Variants in INPP4B observed in about 807,000 individuals in gnomAD.
The protein encoded by INPP4B is inositol polyphosphate 4-phosphatase type II.
A neutral mutation model predicts 122.5 loss-of-function variants in INPP4B; 55 were observed. The observed-to-expected ratio is 0.45, with a 90% CI of 0.36 to 0.56. The LOEUF is 0.56. INPP4B is among the 20% of genes least tolerant of loss of function. The pLI is 0.00. For missense variants in INPP4B, 1,000 were observed against 1,097.7 expected (o/e 0.91, Z 1.26); for synonymous variants, 403 against 388.7 (o/e 1.04, Z -0.43).
At chr4:142,790,830 A>AT (rs549551508) in intron 1 of INPP4B, among the ~76,000 whole-genome samples, 98 of 151,812 alleles carry the variant, frequency 6.5e-4, no homozygotes, top group Non-Finnish European at 1.1e-3. Flanking sequence ...GCAATGTCCT[A>AT]TTTTTTTCTT....
chr4:142,047,019 C>G (rs1751883172), intron 25 of INPP4B, among the ~76,000 whole-genome samples: 1 of 152,040 alleles, frequency 6.6e-6, no homozygotes, highest in African/African-American at 2.4e-5. Flanking sequence ...TCTCCTCTCT[C>G]TCTCTCTTTT....
intron 25 of INPP4B, among the ~76,000 whole-genome samples, chr4:142,046,126 C>T (rs1319925842): frequency 6.6e-6 from 1 of 152,016 alleles, no homozygotes; most frequent in Non-Finnish European, 1.5e-5. Context: ...GGCCAAACTA[C>T]TCTGCTCCCC....
At chr4:142,235,596 T>G (rs1402117664) in intron 12 of INPP4B, among the ~76,000 whole-genome samples, 1 of 152,018 alleles carries the variant, frequency 6.6e-6, no homozygotes, top group African/African-American at 2.4e-5. Context: ...TAATTTTGTT[T>G]TTGTATTTTT....
At chr4:142,669,717 T>C (rs1435052741) in intron 2 of INPP4B, among the ~76,000 whole-genome samples, 1 of 152,060 alleles carries the variant, frequency 6.6e-6, no homozygotes, top group African/African-American at 2.4e-5. Flanking sequence ...TTGAAGAAAA[T>C]ATAGGGGAAA....
chr4:142,618,810 T>A (rs759053761), intron 2 of INPP4B, among the ~76,000 whole-genome samples: 1 of 151,674 alleles, frequency 6.6e-6, no homozygotes, highest in Admixed American at 6.6e-5. Flanking sequence ...ATGGAGAAAA[T>A]TTTTTGCAAA....
At chr4:142,684,855 T>C (rs949001527) in intron 2 of INPP4B, among the ~76,000 whole-genome samples, 5 of 151,912 alleles carry the variant, frequency 3.3e-5, no homozygotes, top group African/African-American at 1.2e-4. Context: ...AAAATTATAA[T>C]TGGACAAAAT....
intron 1 of INPP4B, among the ~76,000 whole-genome samples, chr4:142,826,500 AC>A (rs1561113785): frequency 1.4e-5 from 2 of 145,408 alleles, no homozygotes; most frequent in African/African-American, 5.0e-5. Flanking sequence ...ATAAAATCAC[AC>A]ACACACACAC....
At chr4:142,395,051 T>C (rs567448380) in intron 7 of INPP4B, among the ~76,000 whole-genome samples, 68 of 152,348 alleles carry the variant, frequency 4.5e-4, no homozygotes, top group African/African-American at 1.6e-3. Context: ...AAAGTGTCAA[T>C]GCTTATCCTT....
intron 3 of INPP4B, among the ~76,000 whole-genome samples, chr4:142,461,375 T>C (rs1816698786): frequency 6.6e-6 from 1 of 152,162 alleles, no homozygotes. Context: ...AAACAGCAAT[T>C]TGTGTAGTTT....
chr4:142,028,800 A>C lies in INPP4B; in HGVS notation c.2757T>G (p.Tyr919Ter). ...GGTAAACTTAGGTGTCAGCTTTTCC[A>C]TAAGTCCCCTCTGGAGGTCTGTAGT... ...PKYYRPPEGT[Y>*]GKADT The change falls in exon 26 of 26, where the codon TAT becomes TAG. Residue 919 changes from tyrosine to a stop codon, truncating the protein, a stop_gained. Coordinates refer to ENST00000262992, the MANE Select transcript of INPP4B (RefSeq NM_001101669.3). LOFTEE classifies it high-confidence loss of function. The C allele has an allele frequency of 6.2e-7, 1 of 1,611,050 alleles. No individual in the cohort carries two copies. The highest frequency in any genetic ancestry group is 8.5e-7 in the Non-Finnish European group (1 of 1,179,006).
intron 7 of INPP4B, among the ~76,000 whole-genome samples, chr4:142,378,429 GC>G (rs780094262): frequency 1.6e-4 from 24 of 152,128 alleles, no homozygotes; most frequent in Non-Finnish European, 2.6e-4. Context: ...TATTGTAATA[GC>G]TCATATCCAG....
intron 2 of INPP4B, among the ~76,000 whole-genome samples, chr4:142,522,177 G>C (rs756263170): frequency 1.3e-5 from 2 of 151,590 alleles, no homozygotes; most frequent in African/African-American, 4.8e-5. Context: ...ATTTTTAAAG[G>C]TTTTTATGTT....
At chr4:142,713,805 C>T (rs1388713244) in intron 2 of INPP4B, among the ~76,000 whole-genome samples, 1 of 152,158 alleles carries the variant, frequency 6.6e-6, no homozygotes, top group Non-Finnish European at 1.5e-5. Context: ...TAAGATCCTG[C>T]TCATTTAGGA....
chr4:142,181,902 CAT>C (rs1178786254), intron 15 of INPP4B, among the ~76,000 whole-genome samples: 19 of 152,152 alleles, frequency 1.2e-4, no homozygotes, highest in African/African-American at 3.9e-4. Flanking sequence ...CATCAATTCA[CAT>C]GTTTTTTAAT....
chr4:142,827,286 G>A (rs113657710), intron 1 of INPP4B, among the ~76,000 whole-genome samples: 4 of 152,242 alleles, frequency 2.6e-5, no homozygotes, highest in African/African-American at 4.8e-5. Flanking sequence ...TCAAGTGCTC[G>A]TCTACATATT....
intron 2 of INPP4B, among the ~76,000 whole-genome samples, chr4:142,677,930 G>A (rs576329070): frequency 9.9e-5 from 15 of 151,806 alleles, no homozygotes; most frequent in Admixed American, 3.3e-4. Context: ...TATGGCACAC[G>A]TATACCTTTG....
At chr4:142,709,544 C>T (rs985662767) in intron 2 of INPP4B, among the ~76,000 whole-genome samples, 3 of 152,076 alleles carry the variant, frequency 2.0e-5, no homozygotes, top group African/African-American at 7.2e-5. Context: ...CTCATGAGAT[C>T]TGATTGTTTA....
At chr4:142,705,562 C>T (rs1271953505) in intron 2 of INPP4B, among the ~76,000 whole-genome samples, 1 of 152,048 alleles carries the variant, frequency 6.6e-6, no homozygotes, top group East Asian at 1.9e-4. Context: ...TTCTACCACC[C>T]TCGATCATAT....
intron 2 of INPP4B, among the ~76,000 whole-genome samples, chr4:142,562,729 A>T (rs12505079): frequency 0.52 from 78,430 of 152,008 alleles, 23,135 homozygotes; most frequent in Non-Finnish European, 0.67. Flanking sequence ...AGAGATAATA[A>T]AATAAAGAGA....
Sources: gnomAD v4.1 joint callset for allele counts (sites outside exome capture counted in the v4.1 genomes callset) on GRCh38, gnomAD v4.1.1 for gene constraint, MANE v1.5 for transcripts, NCBI Gene and HGNC (gene_info 2026-07-23, HGNC 2026-07-21) for gene names.